UTY: variants seen among roughly 807,000 people sequenced by gnomAD.
UTY encodes histone demethylase UTY.
UTY carries 12 observed loss-of-function variants against 32.5 expected under a neutral mutation model. The observed-to-expected ratio is 0.37, with a 90% CI of 0.24 to 0.60. UTY has a LOEUF of 0.60. Ranked by LOEUF, UTY falls within the 20% of genes least tolerant of loss-of-function variation. UTY has a pLI of 0.69. For synonymous variants in UTY, 131 were observed against 103.4 expected (o/e 1.27, Z -1.62); for missense variants, 303 against 299.2 (o/e 1.01, Z -0.09).
At chrY:13,266,731 G>T (rs747814583) in intron 27 of UTY, among the ~76,000 whole-genome samples, 6 of 33,250 alleles carry the variant, frequency 1.8e-4, no homozygotes, top group African/African-American at 7.0e-4. Context: ...TGGTTTCAAA[G>T]AACTTCTTTA....
intron 12 of UTY, 27 bp downstream of exon 12, chrY:13,359,740 T>G: frequency 8.3e-6 from 3 of 361,206 alleles, no homozygotes; most frequent in Non-Finnish European, 1.2e-5. Context: ...TACGTGTCAT[T>G]TAAAATATAC....
chrY:13,254,995 T>C, intron 28 of UTY, among the ~76,000 whole-genome samples: 1 of 33,278 alleles, frequency 3.0e-5, no homozygotes. Flanking sequence ...ATTTAAAGGT[T>C]TGGTAGATAC....
intron 21 of UTY, 32 bp from the exon 22 acceptor site, chrY:13,306,282 G>A: frequency 3.3e-6 from 1 of 307,116 alleles, no homozygotes; most frequent in Non-Finnish European, 4.9e-6. Flanking sequence ...TTCATACTTA[G>A]TATCCTCTAA....
At chrY:13,349,717 T>C (rs2062204989) in intron 17 of UTY, among the ~76,000 whole-genome samples, 1 of 33,082 alleles carries the variant, frequency 3.0e-5, no homozygotes, top group Admixed American at 2.8e-4. Flanking sequence ...CAAAAAATAC[T>C]ACAATACACA....
At chrY:13,443,236 C>T (rs2075381506) in intron 4 of UTY, among the ~76,000 whole-genome samples, 1 of 33,274 alleles carries the variant, frequency 3.0e-5, no homozygotes, top group African/African-American at 1.2e-4. Flanking sequence ...TAGCCCTTCC[C>T]GGCATTGCTA....
intron 8 of UTY, among the ~76,000 whole-genome samples, chrY:13,387,940 T>G: frequency 2.9e-5 from 1 of 34,260 alleles, no homozygotes; most frequent in Admixed American, 2.6e-4. Context: ...TTTTCAAACT[T>G]GTTATATTTT....
At chrY:13,350,315 A>T (rs972468828) in intron 17 of UTY, among the ~76,000 whole-genome samples, 11 of 33,213 alleles carry the variant, frequency 3.3e-4, no homozygotes, top group Non-Finnish European at 5.9e-4. Flanking sequence ...CCAGGAAAAA[A>T]TTTTTCTCAG....
intron 8 of UTY, among the ~76,000 whole-genome samples, chrY:13,385,607 T>C: frequency 3.0e-5 from 1 of 33,415 alleles, no homozygotes; most frequent in Admixed American, 2.7e-4. Context: ...TACTTTTTGC[T>C]ATGTCGCCCA....
At chrY:13,375,964 CATA>C (rs2149383368) in intron 8 of UTY, among the ~76,000 whole-genome samples, 1 of 33,793 alleles carries the variant, frequency 3.0e-5, no homozygotes, top group African/African-American at 1.1e-4. Context: ...ACTTACCAGA[CATA>C]ATATTGTTAG....
chrY:13,441,119 G>C (rs2075130417), intron 4 of UTY, among the ~76,000 whole-genome samples: 1 of 32,686 alleles, frequency 3.1e-5, no homozygotes, highest in East Asian at 7.8e-4. Context: ...AAAGAGATGA[G>C]GCATTAAATA....
chrY:13,278,378 G>A (rs2056815310), intron 27 of UTY, among the ~76,000 whole-genome samples: 1 of 33,475 alleles, frequency 3.0e-5, no homozygotes, highest in Admixed American at 2.7e-4. Flanking sequence ...AGAGGTAAAC[G>A]GGACTTTGTC....
chrY:13,433,675 A>T, intron 4 of UTY, among the ~76,000 whole-genome samples: 1 of 34,042 alleles, frequency 2.9e-5, no homozygotes, highest in East Asian at 7.6e-4. Flanking sequence ...AATGAAACTA[A>T]AAACAGGAAG....
chrY:13,237,081 T>C, intron 28 of UTY, among the ~76,000 whole-genome samples: 2 of 33,557 alleles, frequency 6.0e-5, no homozygotes, highest in Admixed American at 5.4e-4. Context: ...AGGGAGGAAA[T>C]AACACTTCTT....
chrY:13,387,967 A>T, intron 8 of UTY, among the ~76,000 whole-genome samples: 3 of 33,986 alleles, frequency 8.8e-5, no homozygotes, highest in Non-Finnish European at 2.2e-4. Context: ...ATAGTTCTAA[A>T]ATATCTTCTA....
At chrY:13,359,735 G>A in intron 12 of UTY, 32 bp downstream of exon 12, 1 of 346,709 alleles carries the variant, frequency 2.9e-6, no homozygotes. Flanking sequence ...GAATATACGT[G>A]TCATTTAAAA....
At chrY:13,280,047 T>A in intron 27 of UTY, among the ~76,000 whole-genome samples, 1 of 33,329 alleles carries the variant, frequency 3.0e-5, no homozygotes, top group Non-Finnish European at 7.4e-5. Flanking sequence ...AAAGCACACC[T>A]ACAAGCTCTA....
chrY:13,309,369 T>C, intron 21 of UTY, among the ~76,000 whole-genome samples: 1 of 31,290 alleles, frequency 3.2e-5, no homozygotes, highest in South Asian at 7.2e-4. Flanking sequence ...GGCGGACAGA[T>C]CACGAGGTCA....
chrY:13,277,861 C>T, intron 27 of UTY, among the ~76,000 whole-genome samples: 1 of 33,494 alleles, frequency 3.0e-5, no homozygotes, highest in East Asian at 7.8e-4. Context: ...GGCTCAGAGC[C>T]ATTGGACTTG....
chrY:13,426,337 G>C (rs749813273), intron 4 of UTY, among the ~76,000 whole-genome samples: 218 of 32,613 alleles, frequency 6.7e-3, no homozygotes, highest in African/African-American at 0.025. Context: ...CAAAAATAGA[G>C]GGCTTACAAG....
Sources: allele counts gnomAD v4.1 joint callset (sites outside exome capture counted in the v4.1 genomes callset), GRCh38; gene constraint gnomAD v4.1.1; transcripts MANE v1.5; gene names NCBI Gene and HGNC (gene_info 2026-07-23, HGNC 2026-07-21).